ZUP1: variants seen among roughly 807,000 people sequenced by gnomAD.
The protein encoded by ZUP1 is zinc finger-containing ubiquitin peptidase 1.
A neutral mutation model predicts 68.1 loss-of-function variants in ZUP1; 55 were observed. That is an observed-to-expected ratio of 0.81 (90% CI 0.65 to 1.01). The LOEUF is 1.01. Ranked by LOEUF, ZUP1 falls within the 50% of genes least tolerant of loss-of-function variation. The pLI is 0.00. For synonymous variants in ZUP1, 223 were observed against 221.5 expected (o/e 1.01, Z -0.06); for missense variants, 684 against 674.9 (o/e 1.01, Z -0.15).
Position 116,645,967 on chromosome 6 carries a change from A to T in ZUP1, c.1469-33T>A, listed in dbSNP as rs779126043. 27 of 1,436,372 alleles carry T rather than the reference A, an allele frequency of 1.9e-5. No individual in the cohort carries two copies. The Admixed American group carries it at 4.5e-4, about 24-fold the overall frequency. The allele number at this position is 1,436,372 out of a possible 1,614,324, so 89.0% of individuals were successfully genotyped here. ...AAGATTTTTAAGTTATACATACGTC[A>T]CATCTATTTACAGTTATACAAATAG... On this transcript the variant is annotated intron_variant, in intron 8 of 9. Transcript: ENST00000368576.
At chr6:116,647,086 GA>G (rs1776331147) in intron 8 of ZUP1, among the ~76,000 whole-genome samples, 2 of 152,300 alleles carry the variant, frequency 1.3e-5, no homozygotes, top group African/African-American at 4.8e-5. Flanking sequence ...AATTACCTAA[GA>G]AAGTATTGTA....
chr6:116,667,120 T>C lies in ZUP1; in HGVS notation c.73A>G (p.Met25Val), dbSNP rs2114304560. 1.2e-6 allele frequency: 2 copies of C among 1,613,460 alleles called. No homozygotes were observed. Among genetic ancestry groups the C allele is most frequent in the Non-Finnish European group, 1.7e-6 (2 of 1,179,678 alleles). The change falls in exon 2 of 10, where the codon ATG becomes GTG. Residue 25 changes from methionine (M) to valine (V), a missense_variant. Physicochemically the swap from Met to Val is conservative, Grantham distance 21. Coordinates refer to ENST00000368576, the MANE Select transcript of ZUP1 (RefSeq NM_145062.3). Reference protein sequence around the residue: ...PDMKAHLIVHMESEIICPFCK... With the variant: ...PDMKAHLIVHVESEIICPFCK... ...AATGGACATATAATTTCACTTTCCA[T>C]GTGAACAATTAGGTGAGCTTTCATG...
chr6:116,664,760 G>A (rs920374443), intron 2 of ZUP1, among the ~76,000 whole-genome samples: 4 of 151,928 alleles, frequency 2.6e-5, no homozygotes, highest in African/African-American at 9.7e-5. Flanking sequence ...ACACAGATAT[G>A]AAAATGTAAT....
At chr6:116,663,269 T>C (rs1327536327) in intron 2 of ZUP1, among the ~76,000 whole-genome samples, 2 of 152,224 alleles carry the variant, frequency 1.3e-5, no homozygotes, top group African/African-American at 4.8e-5. Context: ...CATGTTTTTC[T>C]TTACTTTCCA....
intron 4 of ZUP1, among the ~76,000 whole-genome samples, chr6:116,657,943 A>G (rs1776718843): frequency 6.6e-6 from 1 of 152,234 alleles, no homozygotes; most frequent in African/African-American, 2.4e-5. Flanking sequence ...ATACAAAAAA[A>G]TGAGCCAGGC....
chr6:116,637,026 G>C (rs1382865053), intron 9 of ZUP1, among the ~76,000 whole-genome samples: 1 of 147,176 alleles, frequency 6.8e-6, no homozygotes, highest in Non-Finnish European at 1.5e-5. Context: ...AGAAACAGAT[G>C]CTAAAAAAAG....
intron 5 of ZUP1, among the ~76,000 whole-genome samples, chr6:116,653,882 G>A (rs1300648887): frequency 1.3e-5 from 2 of 151,780 alleles, no homozygotes; most frequent in African/African-American, 4.8e-5. Flanking sequence ...ACTGCTTTAG[G>A]GGGAAATTTC....
intron 2 of ZUP1, among the ~76,000 whole-genome samples, chr6:116,665,493 G>C (rs1052919004): frequency 1.3e-5 from 2 of 149,490 alleles, no homozygotes; most frequent in African/African-American, 2.5e-5. Flanking sequence ...AAAAAGACAA[G>C]CCACAGACTA....
At chr6:116,636,426 T>C (rs574884871) in intron 9 of ZUP1, among the ~76,000 whole-genome samples, 1 of 149,136 alleles carries the variant, frequency 6.7e-6, no homozygotes, top group Non-Finnish European at 1.5e-5. Flanking sequence ...TAAAACTGCA[T>C]ATCATAATGT....
chr6:116,657,424 A>C (rs1409596897), intron 4 of ZUP1, among the ~76,000 whole-genome samples: 1 of 151,946 alleles, frequency 6.6e-6, no homozygotes, highest in Non-Finnish European at 1.5e-5. Flanking sequence ...AAATTACATA[A>C]CCTCCTTAAA....
At chr6:116,636,728 TGAA>T (rs1775919518) in intron 9 of ZUP1, among the ~76,000 whole-genome samples, 1 of 152,166 alleles carries the variant, frequency 6.6e-6, no homozygotes, top group South Asian at 2.1e-4. Flanking sequence ...AGTACAAATA[TGAA>T]GAACAAAACA....
chr6:116,656,729 C>G lies in ZUP1; in HGVS notation c.916G>C (p.Glu306Gln), dbSNP rs1776677575. 1.2e-6 allele frequency: 2 copies of G among 1,610,896 alleles called. No individual in the cohort carries two copies. The highest frequency in any genetic ancestry group is 1.7e-6 in the Non-Finnish European group (2 of 1,178,912). The change falls in exon 5 of 10, where the codon GAA (glutamate) becomes CAA (glutamine). Residue 306 changes from glutamate to glutamine, a missense_variant. Physicochemically the swap from Glu to Gln is conservative, Grantham distance 29 (BLOSUM62 2). Coordinates refer to ENST00000368576, the MANE Select transcript of ZUP1 (RefSeq NM_145062.3). ...EFHRRKADMMESLALGFDDGK... is the reference protein window; with the variant it reads ...EFHRRKADMMQSLALGFDDGK... ...TCGTCAAAACCAAGAGCTAATGATT[C>G]CATCATATCAGCTTTTCTCCTATGA...
chr6:116,645,319 G>A (rs1776257072), intron 9 of ZUP1, among the ~76,000 whole-genome samples: 1 of 152,044 alleles, frequency 6.6e-6, no homozygotes, highest in African/African-American at 2.4e-5. Context: ...GGTGGCTCAC[G>A]CCTGTAATCC....
rs1395509663 is a variant in ZUP1 at position 116,650,903 on chromosome 6, A to C, written c.1316+669T>G. On this transcript the variant is annotated intron_variant, in intron 7 of 9. Transcript: ENST00000368576. ...GAAAATAAATAGGTTATACATTTTA[A>C]AAATGAGACTACACACACACACACA... 2.0e-5 allele frequency among the ~76,000 whole-genome samples: 3 copies of C among 151,222 alleles called. No individual in the cohort carries two copies. The East Asian group carries it at 5.8e-4, about 29-fold the overall frequency.
At chr6:116,652,495 C>T (rs917383187) in intron 5 of ZUP1, among the ~76,000 whole-genome samples, 1 of 152,116 alleles carries the variant, frequency 6.6e-6, no homozygotes, top group Admixed American at 6.5e-5. Flanking sequence ...GTATAGACTA[C>T]TGGAGATCAC....
chr6:116,647,675 T>C, intron 7 of ZUP1, 65 bp from the exon 8 acceptor site: 1 of 1,276,648 alleles, frequency 7.8e-7, no homozygotes, highest in Non-Finnish European at 1.0e-6. Context: ...GATGGAGTTA[T>C]CAAATACAAC....
At chr6:116,665,662 G>A (rs73555476) in intron 2 of ZUP1, among the ~76,000 whole-genome samples, 74 of 147,532 alleles carry the variant, frequency 5.0e-4, no homozygotes, top group South Asian at 1.9e-3. Context: ...TCACTGCAGC[G>A]TCCACTTCCC....
intron 9 of ZUP1, among the ~76,000 whole-genome samples, chr6:116,643,992 G>GA (rs1270154924): frequency 1.3e-5 from 2 of 151,874 alleles, no homozygotes; most frequent in African/African-American, 4.8e-5. Context: ...AAATTTACAA[G>GA]AAAAAAACAA....
chr6:116,647,556 G>T lies in ZUP1; in HGVS notation c.1371C>A (p.Arg457=). ...KSTGPLGTHP[R]LFEWILNYYS... Reference sequence around the variant, plus strand: ...AATAGTTCAATATCCATTCAAATAAGCGAGGGTGTGTACCCAAAGGACCAG... The same window carrying T: ...AATAGTTCAATATCCATTCAAATAATCGAGGGTGTGTACCCAAAGGACCAG... Residue 457 remains arginine (R), a synonymous_variant, in exon 8 of 10, where the codon CGC becomes CGA. Transcript: ENST00000368576. 1 of 1,600,834 alleles carries T rather than the reference G, an allele frequency of 6.2e-7. No homozygotes were observed. The highest frequency in any genetic ancestry group is 1.1e-5 in the South Asian group (1 of 89,314).
Sources: gnomAD v4.1 joint callset for allele counts (sites outside exome capture counted in the v4.1 genomes callset) on GRCh38, gnomAD v4.1.1 for gene constraint, MANE v1.5 for transcripts, NCBI Gene and HGNC (gene_info 2026-07-23, HGNC 2026-07-21) for gene names.